Variants in MACF1 observed in about 807,000 individuals in gnomAD.
The protein encoded by MACF1 is microtubule actin crosslinking factor 1.
MACF1 carries 193 observed loss-of-function variants against 854.8 expected under a neutral mutation model. The observed-to-expected ratio is 0.23, with a 90% CI of 0.20 to 0.25. The LOEUF is 0.25. Among genes scored for constraint, MACF1 ranks in the 10% least tolerant of loss-of-function variants. The pLI is 1.00. For synonymous variants in MACF1, 3,185 were observed against 3,226.7 expected (o/e 0.99, Z 0.44); for missense variants, 7,722 against 8,929.1 (o/e 0.86, Z 5.45).
chr1:39,480,882 A>G lies in MACF1; in HGVS notation c.22171-38A>G, dbSNP rs1180554604. ...GTGCACCCTTTTTGTTCCTTTTTCA[A>G]TTGTTCCTGTCCTTCCCTTTGGATT... is the stretch of plus-strand genomic sequence containing the variant. On this transcript the variant is annotated intron_variant, in intron 98 of 100. Coordinates refer to ENST00000564288, the MANE Select transcript of MACF1 (RefSeq NM_001394062.1). 3 of 1,130,210 alleles carry G rather than the reference A, an allele frequency of 2.7e-6. No homozygotes were observed. Among genetic ancestry groups the G allele is most frequent in the Non-Finnish European group, 2.6e-6 (2 of 768,358 alleles). 70.0% of individuals were successfully genotyped at this position (1,130,210 alleles called of 1,614,324 possible).
In MACF1 at chr1:39,335,075, A is replaced by G. The variant is rs772076765; in HGVS notation, c.8487A>G (p.Arg2829=). ...NQSAQEKVKV[R]VSDGEQAKKS... Reference sequence around the variant, plus strand: ...CTGCACAAGAAAAGGTTAAAGTGAGAGTTTCTGATGGGGAGCAGGCAAAAA... The same window carrying G: ...CTGCACAAGAAAAGGTTAAAGTGAGGGTTTCTGATGGGGAGCAGGCAAAAA... Residue 2829 remains arginine (R), a synonymous_variant, in exon 37 of 101, where the codon AGA becomes AGG. Transcript: ENST00000564288. 6.2e-7 allele frequency: 1 copy of G among 1,614,088 alleles called. No individual in the cohort carries two copies. The highest frequency in any genetic ancestry group is 1.3e-5 in the African/African-American group (1 of 75,046).
At chr1:39,257,532 G>A (rs886256489) in intron 5 of MACF1, 7 of 166,004 alleles carry the variant, frequency 4.2e-5, no homozygotes, top group Admixed American at 3.8e-4. Context: ...TCGATCTCCT[G>A]ACCTCGTGAT....
chr1:39,287,502 T>C lies in MACF1; in HGVS notation c.1725T>C (p.Ser575=). ...TRAELVAISS[S]EDEGNLRFVY... is the part of the protein sequence containing the mutation. ...CTGAACTTGTGGCCATCAGCTCCTCTGAAGATGAAGGCAATCTCCGATTTG... is the reference window on the plus strand; with the variant it reads ...CTGAACTTGTGGCCATCAGCTCCTCCGAAGATGAAGGCAATCTCCGATTTG... Residue 575 remains serine, a synonymous_variant, in exon 15 of 101, where the codon TCT becomes TCC. Coordinates refer to ENST00000564288, the MANE Select transcript of MACF1 (RefSeq NM_001394062.1). 1 of 1,614,180 alleles carries C rather than the reference T, an allele frequency of 6.2e-7. No individual in the cohort carries two copies.
chr1:39,225,820 T>C (rs1359439537), intron 1 of MACF1, among the ~76,000 whole-genome samples: 1 of 152,180 alleles, frequency 6.6e-6, no homozygotes, highest in Non-Finnish European at 1.5e-5. Context: ...AGAAAGATCT[T>C]TGCTAGGCCT....
At position 39,459,268 on chromosome 1, in the gene MACF1, G is replaced by T; in HGVS notation, c.21360+19G>T. The stretch of plus-strand genomic sequence containing the variant: ...GGAGGAGGTAATGCCCTGCTGAGTG[G>T]CCTTCCCTGAAACAAAGTGCTTTTT... On this transcript the variant is annotated intron_variant, in intron 91 of 100. Coordinates refer to ENST00000564288, the MANE Select transcript of MACF1 (RefSeq NM_001394062.1). 1.3e-6 allele frequency: 2 copies of T among 1,593,786 alleles called. No homozygotes were observed. The highest frequency in any genetic ancestry group is 1.1e-5 in the South Asian group (1 of 88,508).
At chr1:39,200,125 A>G (rs1644371608), upstream of MACF1, among the ~76,000 whole-genome samples, 1 of 152,218 alleles carries the variant, frequency 6.6e-6, no homozygotes, top group Non-Finnish European at 1.5e-5. Context: ...AGTGACCTCC[A>G]GAATGCTAAA....
chr1:39,216,130 A>T, intron 1 of MACF1, among the ~76,000 whole-genome samples: 1 of 151,420 alleles, frequency 6.6e-6, no homozygotes, highest in East Asian at 2.0e-4. Context: ...GAGAGACATC[A>T]ATTCTCTGTA....
chr1:39,301,686 A>G (rs1342986428), intron 22 of MACF1, among the ~76,000 whole-genome samples: 3 of 151,898 alleles, frequency 2.0e-5, no homozygotes, highest in African/African-American at 4.8e-5. Context: ...CAGACTCCCA[A>G]AGTGCTGGGA....
rs1294050770 is a variant in MACF1 at position 39,297,697 on chromosome 1, C to T, written c.2433C>T (p.Asp811=). The T allele has an allele frequency of 6.2e-7, 1 of 1,614,156 alleles. No homozygotes were observed. Among genetic ancestry groups the T allele is most frequent in the East Asian group, 2.2e-5 (1 of 44,880 alleles). Residue 811 remains aspartate, a synonymous_variant, in exon 21 of 101, where the codon GAC becomes GAT. Transcript: ENST00000564288. ...QDSIKRKYSC[D]HNTSLSRLED... ...CCATTAAACGAAAATATTCCTGTGA[C>T]CACAACACCAGCTTATCCCGCCTTG...
chr1:39,252,088 G>A, intron 4 of MACF1, 147 bp downstream of exon 4: 1 of 479,224 alleles, frequency 2.1e-6, no homozygotes, highest in East Asian at 3.5e-5. Context: ...CCCAAAGAAA[G>A]TAGTTAAAAC....
At chr1:39,365,220 C>G (rs188814639) in intron 49 of MACF1, among the ~76,000 whole-genome samples, 1 of 151,984 alleles carries the variant, frequency 6.6e-6, no homozygotes, top group South Asian at 2.1e-4. Flanking sequence ...GGACTACAGG[C>G]GCCCGCCACC....
intron 7 of MACF1, 79 bp downstream of exon 7, chr1:39,282,453 A>C (rs1236719537): frequency 7.4e-7 from 1 of 1,348,984 alleles, no homozygotes; most frequent in African/African-American, 1.5e-5. Context: ...TACTGTTTCC[A>C]TCTCCTCAAT....
At chr1:39,107,514 G>C (rs958412553) in intron 2 of MACF1, among the ~76,000 whole-genome samples, 138 of 152,162 alleles carry the variant, frequency 9.1e-4, no homozygotes, top group African/African-American at 3.1e-3. Flanking sequence ...TCTTCTGATC[G>C]GTGCAGAACA....
At position 39,358,777 on chromosome 1, in the gene MACF1, C is replaced by T; in HGVS notation, c.12024C>T (p.Ala4008=). The change falls in exon 46 of 101, where the codon GCC becomes GCT. Residue 4008 remains alanine (A), a synonymous_variant. Transcript: ENST00000564288. ...QFQNSADSLQ[A]WMQACEANVE... ...AAAACAGTGCTGACAGCCTGCAGGC[C>T]TGGATGCAGGCTTGTGAGGCCAACG... 1.2e-6 allele frequency: 2 copies of T among 1,613,944 alleles called. No homozygotes were observed. Among genetic ancestry groups the T allele is most frequent in the South Asian group, 1.1e-5 (1 of 91,080 alleles).
At chr1:39,233,775 C>CT (rs11286953) in intron 2 of MACF1, among the ~76,000 whole-genome samples, 914 of 36,556 alleles carry the variant, frequency 0.025, 77 homozygotes, top group Non-Finnish European at 0.029. Context: ...CTAGCCATAG[C>CT]TTTTTTTTTT....
chr1:39,217,318 A>G (rs1290067387), intron 1 of MACF1, among the ~76,000 whole-genome samples: 1 of 149,900 alleles, frequency 6.7e-6, no homozygotes, highest in Non-Finnish European at 1.5e-5. Flanking sequence ...TCTGTTGCTC[A>G]GGCTGGAGTG....
chr1:39,281,851 A>G (rs2148380125), intron 6 of MACF1, among the ~76,000 whole-genome samples: 1 of 152,272 alleles, frequency 6.6e-6, no homozygotes, highest in South Asian at 2.1e-4. Flanking sequence ...ACTTCCTATC[A>G]AGTTGTATGT....
rs1317361106 is a variant in MACF1, at chr1:39,410,874, T to A, written c.15817-11500T>A. 2.5e-6 allele frequency: 4 copies of A among 1,613,904 alleles called. No individual in the cohort carries two copies. In the African/African-American group the frequency reaches 5.3e-5, roughly 22 times the overall value. ...AACATGTGTCCAAATCCATAGGTAT[T>A]CCAGAGGTGCAAGATTTTAAAAACT... On this transcript the variant is annotated intron_variant, in intron 58 of 100. Coordinates refer to ENST00000564288, the MANE Select transcript of MACF1 (RefSeq NM_001394062.1).
In MACF1 at chr1:39,372,616, AAT is replaced by A. The variant is rs1451938911; in HGVS notation, c.13213+24_13213+25del. 2.7e-6 allele frequency: 4 copies of A among 1,494,580 alleles called. No homozygotes were observed. Among genetic ancestry groups the A allele is most frequent in the Non-Finnish European group, 3.7e-6 (4 of 1,073,746 alleles). The allele number at this position is 1,494,580 out of a possible 1,614,324, so 92.6% of individuals were successfully genotyped here. On this transcript the variant is annotated intron_variant, in intron 52 of 100. Coordinates refer to ENST00000564288, the MANE Select transcript of MACF1 (RefSeq NM_001394062.1). Reference sequence around the variant, plus strand: ...AGACAGGTGAGTACAGGCTCTTCAAAATATAGTGAATAAAAATTGCTCTTTGC... The same window carrying A: ...AGACAGGTGAGTACAGGCTCTTCAAAATAGTGAATAAAAATTGCTCTTTGC...
Sources: gnomAD v4.1 joint callset for allele counts (sites outside exome capture counted in the v4.1 genomes callset) on GRCh38, gnomAD v4.1.1 for gene constraint, MANE v1.5 for transcripts, NCBI Gene and HGNC (gene_info 2026-07-23, HGNC 2026-07-21) for gene names.